The following GJC1 variants were observed in gnomAD, a reference collection of about 807,000 sequenced individuals.
GJC1 encodes gap junction gamma-1 protein.
Under a neutral mutation model 29.3 loss-of-function variants are expected in GJC1, and 5 were observed. The observed-to-expected ratio is 0.17, with a 90% confidence interval of 0.09 to 0.36. GJC1 has a LOEUF of 0.36. Among genes scored for constraint, GJC1 ranks in the 10% least tolerant of loss-of-function variants. The probability of loss-of-function intolerance (pLI) is 1.00; values close to 1 mark genes in which losing one functional copy is unlikely to be tolerated. For missense variants in GJC1, 310 were observed against 496.2 expected, an observed-to-expected ratio of 0.62 and a Z score of 3.56; for synonymous variants, 177 against 183.3, an observed-to-expected ratio of 0.97 and a Z score of 0.28.
chr17:44,815,802 A>G (rs1249541335), intron 1 of GJC1, among the ~76,000 whole-genome samples: 1 of 152,064 alleles, frequency 6.6e-6, no homozygotes, highest in African/African-American at 2.4e-5. Flanking sequence ...GAATCGTATC[A>G]ATTCTTTAAA....
In GJC1 at chr17:44,823,698, T is replaced by C. The variant is rs559330180; in HGVS notation, c.-97+6364A>G. ...GATTACTGGTGTGAGGCACCATGCCTGGCCTTTCTTTCCTTTCCTTTTTTT... is the reference window on the plus strand; with the variant it reads ...GATTACTGGTGTGAGGCACCATGCCCGGCCTTTCTTTCCTTTCCTTTTTTT... On this transcript the variant is annotated intron_variant, in intron 1 of 2. Coordinates refer to ENST00000592524, the MANE Select transcript of GJC1 (RefSeq NM_005497.4). 9.2e-5 allele frequency among the ~76,000 whole-genome samples: 14 copies of C among 151,852 alleles called. No individual in the cohort carries two copies. The East Asian group carries it at 2.7e-3, about 29-fold the overall frequency.
chr17:44,812,170 C>T (rs888867435), intron 1 of GJC1, among the ~76,000 whole-genome samples: 3 of 151,344 alleles, frequency 2.0e-5, no homozygotes, highest in Non-Finnish European at 4.4e-5. Flanking sequence ...AAAAATTAGC[C>T]GGGTGTGGTG....
chr17:44,799,905 A>G lies in GJC1; in HGVS notation c.*4722T>C, dbSNP rs1400705644. On this transcript the variant is annotated 3_prime_UTR_variant, in exon 3 of 3. Transcript: ENST00000592524. ...TTGCACTCTAGCCTGGGCTCAAAAC[A>G]AACCCCAAAAAACAAAACCAAACAT... The G allele has an allele frequency of 1.3e-5, 2 of 152,208 alleles. No individual in the cohort carries two copies. Among genetic ancestry groups the G allele is most frequent in the Non-Finnish European group, 2.9e-5 (2 of 68,084 alleles). 9.4% of individuals were successfully genotyped at this position (152,208 alleles called of 1,614,324 possible). A position where few individuals can be genotyped will look rare whatever the true frequency, so the allele number is the denominator to read the frequency against.
rs2145290632 is a variant in GJC1 at position 44,801,807 on chromosome 17, G to T, written c.*2820C>A. 6.6e-6 allele frequency: 1 copy of T among 152,286 alleles called. No homozygotes were observed. Among genetic ancestry groups the T allele is most frequent in the East Asian group, 1.9e-4 (1 of 5,186 alleles). 9.4% of individuals were successfully genotyped at this position (152,286 alleles called of 1,614,324 possible). Reference sequence around the variant, plus strand: ...TTTAGTAGAGATGGAGTTTCACCATGTTGACCAGTCTGGTCTTGAACTCCT... The same window carrying T: ...TTTAGTAGAGATGGAGTTTCACCATTTTGACCAGTCTGGTCTTGAACTCCT... On this transcript the variant is annotated 3_prime_UTR_variant, in exon 3 of 3. Coordinates refer to ENST00000592524, the MANE Select transcript of GJC1 (RefSeq NM_005497.4).
In GJC1 at chr17:44,818,577, G is replaced by A. The variant is rs983166325; in HGVS notation, c.-96-11108C>T. Among the ~76,000 whole-genome samples the A allele has an allele frequency of 8.6e-5, 13 of 151,650 alleles. No homozygotes were observed. The East Asian group carries it at 1.7e-3, about 20-fold the overall frequency. On this transcript the variant is annotated intron_variant, in intron 1 of 2. Transcript: ENST00000592524. ...TCCTAGCACTTTGGGAGGCTGAGGCGGGCGGATCCCAAGGTCAGTTCAAGA... is the reference window on the plus strand; with the variant it reads ...TCCTAGCACTTTGGGAGGCTGAGGCAGGCGGATCCCAAGGTCAGTTCAAGA...
intron 1 of GJC1, chr17:44,807,883 T>G (rs867833393): frequency 6.6e-6 from 1 of 152,280 alleles, no homozygotes; most frequent in African/African-American, 2.4e-5. Flanking sequence ...TCAGGGGGAT[T>G]TGAGCAGCTA....
In GJC1 at chr17:44,804,039, T is replaced by C. The variant is rs979408463; in HGVS notation, c.*588A>G. 10 of 152,184 alleles carry C rather than the reference T, an allele frequency of 6.6e-5. No homozygotes were observed. The highest frequency in any genetic ancestry group is 2.2e-4 in the African/African-American group (9 of 41,448). 9.4% of individuals were successfully genotyped at this position (152,184 alleles called of 1,614,324 possible). A position where few individuals can be genotyped will look rare whatever the true frequency, so the allele number is the denominator to read the frequency against. On this transcript the variant is annotated 3_prime_UTR_variant, in exon 3 of 3. Transcript: ENST00000592524. ...ACATAAAAGAAAGATCTCAACCTCC[T>C]TCTACTGTGAACTTGCTTTCCAAGA...
intron 1 of GJC1, among the ~76,000 whole-genome samples, chr17:44,823,189 C>T (rs888526062): frequency 6.6e-6 from 1 of 150,408 alleles, no homozygotes; most frequent in Admixed American, 6.6e-5. Context: ...GAAGTTTATC[C>T]GATTTATATA....
rs957898755 is a variant in GJC1, at chr17:44,798,587, A to G, written c.*6040T>C. The G allele has an allele frequency of 1.3e-5, 2 of 152,240 alleles. No individual in the cohort carries two copies. The highest frequency in any genetic ancestry group is 4.8e-5 in the African/African-American group (2 of 41,458). The allele number at this position is 152,240 out of a possible 1,614,324, so 9.4% of individuals were successfully genotyped here. On this transcript the variant is annotated 3_prime_UTR_variant, in exon 3 of 3. Coordinates refer to ENST00000592524, the MANE Select transcript of GJC1 (RefSeq NM_005497.4). Reference sequence around the variant, plus strand: ...AGCAATGAGTGATCTTTGGCACTAGAACAGGTGATTCCTTAGCTGTTCATG... The same window carrying G: ...AGCAATGAGTGATCTTTGGCACTAGGACAGGTGATTCCTTAGCTGTTCATG...
chr17:44,827,049 C>T (rs1353541411), intron 1 of GJC1, among the ~76,000 whole-genome samples: 2 of 152,158 alleles, frequency 1.3e-5, no homozygotes, highest in African/African-American at 4.8e-5. Context: ...GTGGCTCACA[C>T]CTGTAATCCC....
At chr17:44,814,753 G>C (rs1024356820) in intron 1 of GJC1, among the ~76,000 whole-genome samples, 1 of 152,046 alleles carries the variant, frequency 6.6e-6, no homozygotes, top group African/African-American at 2.4e-5. Context: ...GACCAGCCTG[G>C]CCAACATGGC....
chr17:44,821,111 G>C (rs75240846), intron 1 of GJC1, among the ~76,000 whole-genome samples: 21,124 of 152,134 alleles, frequency 0.14, 1,556 homozygotes, highest in African/African-American at 0.19. Flanking sequence ...GCCAATTTTC[G>C]CTGGCAAAAA....
intron 1 of GJC1, among the ~76,000 whole-genome samples, chr17:44,816,726 G>A (rs1012061010): frequency 2.6e-5 from 4 of 151,950 alleles, no homozygotes; most frequent in Middle Eastern, 3.4e-3. Flanking sequence ...GGCTGGTCTC[G>A]AACTCCTGAC....
chr17:44,810,011 A>G (rs1380560469), intron 1 of GJC1, among the ~76,000 whole-genome samples: 1 of 150,758 alleles, frequency 6.6e-6, no homozygotes, highest in Non-Finnish European at 1.5e-5. Flanking sequence ...GGCACCTGCC[A>G]CCACGCTTGG....
At chr17:44,827,248 T>G (rs1418213665) in intron 1 of GJC1, among the ~76,000 whole-genome samples, 1 of 151,874 alleles carries the variant, frequency 6.6e-6, no homozygotes, top group African/African-American at 2.4e-5. Context: ...AGGCGGAGGT[T>G]GCAGTGAGAC....
intron 1 of GJC1, among the ~76,000 whole-genome samples, chr17:44,808,484 C>T (rs1439847557): frequency 2.0e-5 from 3 of 151,932 alleles, no homozygotes; most frequent in Non-Finnish European, 1.5e-5. Flanking sequence ...GTGGCTCTGG[C>T]TCACGCCTGT....
At chr17:44,828,109 AAC>A (rs1302427562) in intron 1 of GJC1, among the ~76,000 whole-genome samples, 1 of 152,192 alleles carries the variant, frequency 6.6e-6, no homozygotes, top group South Asian at 2.1e-4. Context: ...ACTAATCAGA[AAC>A]ACAACCCTGC....
Position 44,828,355 on chromosome 17 carries a change from A to G in GJC1, c.-97+1707T>C, listed in dbSNP as rs192989337. Reference sequence around the variant, plus strand: ...TTTTTAAGAGAACTGTTTCTGGTAGAAAACAATTCTTAAGTCACACAACCT... The same window carrying G: ...TTTTTAAGAGAACTGTTTCTGGTAGGAAACAATTCTTAAGTCACACAACCT... On this transcript the variant is annotated intron_variant, in intron 1 of 2. Coordinates refer to ENST00000592524, the MANE Select transcript of GJC1 (RefSeq NM_005497.4). Among the ~76,000 whole-genome samples, 371 of 152,334 alleles carry G rather than the reference A, an allele frequency of 2.4e-3. 1 individual carries two copies. The highest frequency in any genetic ancestry group is 8.2e-3 in the African/African-American group (342 of 41,582).
chr17:44,821,464 G>A (rs1474497685), intron 1 of GJC1, among the ~76,000 whole-genome samples: 1 of 152,070 alleles, frequency 6.6e-6, no homozygotes, highest in Non-Finnish European at 1.5e-5. Context: ...TTGGGAGGCT[G>A]AGGCAGGCGG....
Sources: allele counts gnomAD v4.1 joint callset (sites outside exome capture counted in the v4.1 genomes callset), GRCh38; gene constraint gnomAD v4.1.1; transcripts MANE v1.5; gene names NCBI Gene and HGNC (gene_info 2026-07-23, HGNC 2026-07-21).